The following GBP7 variants were observed in gnomAD, a reference collection of about 807,000 sequenced individuals.
The protein encoded by GBP7 is guanylate-binding protein 7.
A neutral mutation model predicts 61.3 loss-of-function variants in GBP7; 43 were observed. The ratio of observed to expected loss-of-function variants is 0.70; its 90% CI spans 0.55 to 0.91. GBP7 has a LOEUF of 0.91. Among genes scored for constraint, GBP7 ranks in the 40% least tolerant of loss-of-function variants. The pLI is 0.00. For synonymous variants in GBP7, 267 were observed against 271.0 expected, an observed-to-expected ratio of 0.99 and a Z score of 0.14; for missense variants, 717 against 740.5, an observed-to-expected ratio of 0.97 and a Z score of 0.37.
intron 8 of GBP7, among the ~76,000 whole-genome samples, chr1:89,147,169 CT>C (rs768032212): frequency 1.4e-4 from 21 of 152,322 alleles, no homozygotes; most frequent in South Asian, 4.1e-4. Context: ...ATTATCACCC[CT>C]ATCAATGTAT....
intron 9 of GBP7, among the ~76,000 whole-genome samples, chr1:89,137,188 T>C (rs1449626681): frequency 6.6e-6 from 1 of 151,932 alleles, no homozygotes; most frequent in East Asian, 1.9e-4. Context: ...GAAAAAGCCC[T>C]AGACCAGACA....
At chr1:89,148,784 T>C (rs1682124957) in intron 7 of GBP7, among the ~76,000 whole-genome samples, 1 of 152,204 alleles carries the variant, frequency 6.6e-6, no homozygotes, top group Non-Finnish European at 1.5e-5. Flanking sequence ...GCTGTGAGCT[T>C]AGGCATTTTT....
intron 3 of GBP7, among the ~76,000 whole-genome samples, chr1:89,160,754 C>T (rs537509691): frequency 9.9e-5 from 15 of 152,092 alleles, no homozygotes; most frequent in African/African-American, 3.6e-4. Context: ...TTAAAAACAA[C>T]ACTTAAAAAA....
chr1:89,133,554 A>G, intron 9 of GBP7, 103 bp from the exon 10 acceptor site: 4 of 881,950 alleles, frequency 4.5e-6, no homozygotes, highest in Non-Finnish European at 7.2e-6. Context: ...TCCCACTGAG[A>G]GACCAGACCG....
At chr1:89,152,226 C>T (rs1268505118) in intron 5 of GBP7, 42 bp downstream of exon 5, 2 of 1,578,578 alleles carry the variant, frequency 1.3e-6, no homozygotes, top group Non-Finnish European at 1.7e-6. Context: ...GTTGATCCCA[C>T]CCGCTACTGA....
chr1:89,145,896 T>TA (rs869252324), intron 8 of GBP7, among the ~76,000 whole-genome samples: 51 of 87,898 alleles, frequency 5.8e-4, no homozygotes, highest in African/African-American at 1.7e-3. Flanking sequence ...TCATACTATC[T>TA]AAAAAAAATC....
intron 2 of GBP7, among the ~76,000 whole-genome samples, chr1:89,170,574 G>GC (rs1647570576): frequency 6.6e-6 from 1 of 152,106 alleles, no homozygotes; most frequent in Non-Finnish European, 1.5e-5. Context: ...GTGCATCCAA[G>GC]CACTAGGGAA....
intron 4 of GBP7, 66 bp downstream of exon 4, chr1:89,152,602 A>G (rs1043897170): frequency 2.0e-6 from 3 of 1,532,324 alleles, no homozygotes; most frequent in Admixed American, 1.8e-5. Context: ...AACAAAGAAG[A>G]CACAGTATCA....
At chr1:89,168,564 A>G (rs961556776) in intron 2 of GBP7, among the ~76,000 whole-genome samples, 1 of 152,226 alleles carries the variant, frequency 6.6e-6, no homozygotes, top group Non-Finnish European at 1.5e-5. Context: ...TAGCTAAAAT[A>G]TAAACACCTG....
chr1:89,151,053 T>C (rs1682186151), intron 5 of GBP7, among the ~76,000 whole-genome samples: 2 of 152,210 alleles, frequency 1.3e-5, no homozygotes, highest in East Asian at 3.8e-4. Flanking sequence ...TCTTCCCTTT[T>C]TTTGTGGTAA....
In GBP7 at chr1:89,168,974, TA is replaced by T. The variant is rs374172595; in HGVS notation, c.190+2771del. 5.8e-5 allele frequency among the ~76,000 whole-genome samples: 4 copies of T among 68,414 alleles called. 1 individual carries two copies. The highest frequency in any genetic ancestry group is 5.3e-4 in the Admixed American group (4 of 7,544). The allele number at this position is 68,414 out of a possible 152,430, so 44.9% of individuals were successfully genotyped here. A position where few individuals can be genotyped will look rare whatever the true frequency, so the allele number is the denominator to read the frequency against. ...ACAAGAGCGAAACTCCGCCTCAAGT[TA>T]AAAAAAAAACAAAAAACAAAAAAAC... On this transcript the variant is annotated intron_variant, in intron 2 of 10. Coordinates refer to ENST00000294671, the MANE Select transcript of GBP7 (RefSeq NM_207398.3).
chr1:89,141,206 A>G (rs963881796), intron 9 of GBP7, among the ~76,000 whole-genome samples: 5 of 147,340 alleles, frequency 3.4e-5, no homozygotes, highest in East Asian at 2.0e-4. Context: ...TAAAAGTTGG[A>G]AAGAAAAAAA....
At position 89,152,746 on chromosome 1, in the gene GBP7, G is replaced by A. The variant is rs1006879983; in HGVS notation, c.350C>T (p.Ala117Val). The change falls in exon 4 of 11, where the codon GCC becomes GTC. Residue 117 changes from alanine (A) to valine (V), a missense_variant. Physicochemically the swap from Ala to Val is moderately conservative, Grantham distance 64. Transcript: ENST00000294671. Reference sequence around the variant, plus strand: ...GCTGCTGCTTAGAAGCACAGCCAGGGCAAAGATCCACGAGTCACTCTTAGG... The same window carrying A: ...GCTGCTGCTTAGAAGCACAGCCAGGACAAAGATCCACGAGTCACTCTTAGG... Reference protein sequence around the residue: ...SDPKSDSWIFALAVLLSSSFV... With the variant: ...SDPKSDSWIFVLAVLLSSSFV... 2.5e-6 allele frequency: 4 copies of A among 1,612,156 alleles called. No individual in the cohort carries two copies. The highest frequency in any genetic ancestry group is 2.2e-5 in the South Asian group (2 of 90,990).
intron 3 of GBP7, among the ~76,000 whole-genome samples, chr1:89,153,916 G>A (rs894410669): frequency 6.6e-6 from 1 of 152,178 alleles, no homozygotes; most frequent in Non-Finnish European, 1.5e-5. Flanking sequence ...AATTAAAAAG[G>A]TGAGAGACCC....
chr1:89,147,690 T>C lies in GBP7; in HGVS notation c.1242A>G (p.Ser414=), dbSNP rs1211729958. 8 of 1,614,198 alleles carry C rather than the reference T, an allele frequency of 5.0e-6. No individual in the cohort carries two copies. The highest frequency in any genetic ancestry group is 5.9e-6 in the Non-Finnish European group (7 of 1,180,024). ...KYCQAELKRL[S]ELLTESISRG... ...TTGAAATACTTTCTGTCAAGAGCTCTGAAAGCCGCTTAAGCTCAGCCTGAC... is the reference window on the plus strand; with the variant it reads ...TTGAAATACTTTCTGTCAAGAGCTCCGAAAGCCGCTTAAGCTCAGCCTGAC... Residue 414 remains serine (S), a synonymous_variant, in exon 8 of 11, where the codon TCA becomes TCG. Coordinates refer to ENST00000294671, the MANE Select transcript of GBP7 (RefSeq NM_207398.3).
At chr1:89,155,706 G>A (rs1056999303) in intron 3 of GBP7, among the ~76,000 whole-genome samples, 1 of 152,210 alleles carries the variant, frequency 6.6e-6, no homozygotes, top group Admixed American at 6.5e-5. Context: ...ATGGGACCAT[G>A]TGAAAAGACC....
intron 7 of GBP7, among the ~76,000 whole-genome samples, chr1:89,148,004 A>G (rs1682108864): frequency 6.6e-6 from 1 of 152,204 alleles, no homozygotes; most frequent in Admixed American, 6.5e-5. Flanking sequence ...TATGATTAAC[A>G]GTGATCTAAC....
chr1:89,150,236 C>T, intron 6 of GBP7, 94 bp downstream of exon 6: 1 of 1,169,508 alleles, frequency 8.6e-7, no homozygotes, highest in Non-Finnish European at 1.2e-6. Flanking sequence ...CAGATGTTAT[C>T]TCCTTACCAG....
intron 9 of GBP7, among the ~76,000 whole-genome samples, chr1:89,137,530 C>T (rs972951264): frequency 2.6e-5 from 4 of 152,002 alleles, no homozygotes; most frequent in African/African-American, 9.7e-5. Flanking sequence ...ATTCCTCACA[C>T]AAACGGGACT....
Sources: allele counts gnomAD v4.1 joint callset (sites outside exome capture counted in the v4.1 genomes callset), GRCh38; gene constraint gnomAD v4.1.1; transcripts MANE v1.5; gene names NCBI Gene and HGNC (gene_info 2026-07-23, HGNC 2026-07-21).